The following TREM1 variants were observed in gnomAD, a reference collection of about 807,000 sequenced individuals.
The protein encoded by TREM1 is triggering receptor expressed on monocytes 1.
TREM1 carries 16 observed loss-of-function variants against 22.4 expected under a neutral mutation model. The ratio of observed to expected loss-of-function variants is 0.71; its 90% CI spans 0.48 to 1.08. The LOEUF (loss-of-function observed/expected upper bound fraction) is 1.08. TREM1 is among the 50% of genes least tolerant of loss of function. TREM1 has a pLI of 0.00. For missense variants in TREM1, 283 were observed against 282.9 expected (o/e 1.00, Z 0.00); for synonymous variants, 110 against 111.6 (o/e 0.99, Z 0.09).
chr6:41,279,179 T>C (rs1561919237), intron 3 of TREM1, among the ~76,000 whole-genome samples: 1 of 152,196 alleles, frequency 6.6e-6, no homozygotes, highest in East Asian at 1.9e-4. Context: ...CAATTCACCT[T>C]AGCCTTTAGT....
intron 1 of TREM1, among the ~76,000 whole-genome samples, chr6:41,283,499 C>T (rs1371611013): frequency 6.6e-6 from 1 of 152,212 alleles, no homozygotes. Flanking sequence ...CACCTGAGGT[C>T]GGGAGTTCGA....
rs777994668 is a variant in TREM1 at position 41,282,630 on chromosome 6, T to C, written c.171A>G (p.Ile57Met). The change falls in exon 2 of 4, where the codon ATA (isoleucine) becomes ATG (methionine). Residue 57 changes from isoleucine to methionine, a missense_variant. Coordinates refer to ENST00000244709, the MANE Select transcript of TREM1 (RefSeq NM_018643.5). Reference protein sequence around the residue: ...KFASSQKAWQIIRDGEMPKTL... With the variant: ...KFASSQKAWQMIRDGEMPKTL... ...TCTTGGGCATCTCTCCGTCCCTTAT[T>C]ATCTGCCAAGCTTTCTGGCTGCTGG... is the stretch of plus-strand genomic sequence containing the variant. The C allele has an allele frequency of 6.2e-7, 1 of 1,614,202 alleles. No homozygotes were observed. The highest frequency in any genetic ancestry group is 1.1e-5 in the South Asian group (1 of 91,084).
chr6:41,272,972 T>A (rs1404732843), downstream of TREM1, among the ~76,000 whole-genome samples: 1 of 152,166 alleles, frequency 6.6e-6, no homozygotes, highest in African/African-American at 2.4e-5. Flanking sequence ...GATGCAGAGT[T>A]CTGCTTCCCC....
At position 41,281,034 on chromosome 6, in the gene TREM1, G is replaced by C; in HGVS notation, c.526C>G (p.Pro176Ala). 6.2e-7 allele frequency: 1 copy of C among 1,614,236 alleles called. No individual in the cohort carries two copies. The highest frequency in any genetic ancestry group is 8.5e-7 in the Non-Finnish European group (1 of 1,180,056). ...GAGACATCGGCAGTTGACTTGGGTG[G>C]AGCTTGGGTCACAGTTCTGGGGCTG... is the stretch of plus-strand genomic sequence containing the variant. ...YTSPRTVTQA[P>A]PKSTADVSTP... is the part of the protein sequence containing the mutation. Residue 176 changes from proline to alanine, a missense_variant, in exon 3 of 4, where the codon CCA (proline) becomes GCA (alanine). Pro to Ala is a conservative substitution (Grantham distance 27). Coordinates refer to ENST00000244709, the MANE Select transcript of TREM1 (RefSeq NM_018643.5).
intron 1 of TREM1, among the ~76,000 whole-genome samples, chr6:41,283,698 C>A (rs980342660): frequency 3.5e-5 from 5 of 144,688 alleles, no homozygotes; most frequent in Non-Finnish European, 7.4e-5. Flanking sequence ...GGCCACAGGG[C>A]AAGACTCTGT....
At chr6:41,280,270 T>G (rs2113984901) in intron 3 of TREM1, 1 of 979,698 alleles carries the variant, frequency 1.0e-6, no homozygotes, top group South Asian at 4.7e-5. Context: ...ATTTAATAAC[T>G]GTAAAGAGGT....
At chr6:41,276,440 C>G (rs115546806) in intron 3 of TREM1, among the ~76,000 whole-genome samples, 2 of 152,232 alleles carry the variant, frequency 1.3e-5, no homozygotes, top group African/African-American at 4.8e-5. Context: ...AGGTCCCTGT[C>G]CAGGAGAGGC....
intron 1 of TREM1, among the ~76,000 whole-genome samples, chr6:41,283,444 C>T (rs994261703): frequency 3.1e-4 from 47 of 152,256 alleles, no homozygotes; most frequent in African/African-American, 1.1e-3. Flanking sequence ...GGCACAGTGG[C>T]TCACGCATGT....
intron 2 of TREM1, 28 bp from the exon 3 acceptor site, chr6:41,281,181 A>G (rs774945410): frequency 1.2e-6 from 2 of 1,605,576 alleles, no homozygotes; most frequent in Non-Finnish European, 1.7e-6. Flanking sequence ...GGATGGATGG[A>G]TGGACAGATG....
chr6:41,282,860 A>G, intron 1 of TREM1, 109 bp from the exon 2 acceptor site: 2 of 1,025,386 alleles, frequency 2.0e-6, no homozygotes, highest in Non-Finnish European at 2.9e-6. Context: ...CCCATATTTC[A>G]GATGAGGTTC....
intron 1 of TREM1, among the ~76,000 whole-genome samples, chr6:41,285,048 A>G (rs577577797): frequency 6.6e-6 from 1 of 152,270 alleles, no homozygotes; most frequent in East Asian, 1.9e-4. Flanking sequence ...GGCTCTTTGG[A>G]AGACACACAG....
intron 1 of TREM1, 59 bp from the exon 2 acceptor site, chr6:41,282,810 G>C: frequency 2.8e-6 from 4 of 1,446,026 alleles, no homozygotes; most frequent in Non-Finnish European, 3.8e-6. Flanking sequence ...CTCTGAGTGG[G>C]GAAAAAGGAG....
downstream of TREM1, among the ~76,000 whole-genome samples, chr6:41,272,397 G>A (rs531240650): frequency 2.6e-5 from 4 of 152,096 alleles, no homozygotes; most frequent in Non-Finnish European, 5.9e-5. Context: ...ATGGTGCTGC[G>A]CAAACAAACA....
At chr6:41,279,844 A>G (rs907576418) in intron 3 of TREM1, 7 of 985,122 alleles carry the variant, frequency 7.1e-6, no homozygotes, top group Non-Finnish European at 8.4e-6. Context: ...CTATTTGTAT[A>G]CAAAATGATA....
rs1043567266 is a variant in TREM1 at position 41,275,957 on chromosome 6, C to T, written c.*168G>A. 8.6e-5 allele frequency: 52 copies of T among 603,718 alleles called. No individual in the cohort carries two copies. The highest frequency in any genetic ancestry group is 3.8e-4 in the South Asian group (19 of 50,326). The allele number at this position is 603,718 out of a possible 1,614,324, so 37.4% of individuals were successfully genotyped here. Reference sequence around the variant, plus strand: ...TGCCCACCCAAGATTATTAGAGGAACGAGGGCAGTGGGCAGGAAGGTGAGA... The same window carrying T: ...TGCCCACCCAAGATTATTAGAGGAATGAGGGCAGTGGGCAGGAAGGTGAGA... On this transcript the variant is annotated 3_prime_UTR_variant, in exon 4 of 4. Transcript: ENST00000244709.
intron 1 of TREM1, among the ~76,000 whole-genome samples, chr6:41,283,770 C>T (rs554271307): frequency 1.6e-4 from 25 of 152,086 alleles, no homozygotes; most frequent in African/African-American, 5.8e-4. Flanking sequence ...CCCTGCCAGG[C>T]TGATTGGTTT....
intron 3 of TREM1, chr6:41,280,107 G>T: frequency 3.2e-6 from 3 of 932,112 alleles, no homozygotes; most frequent in Non-Finnish European, 3.8e-6. Context: ...TGTATAATTA[G>T]ACTTACTGCC....
chr6:41,280,657 G>A, intron 3 of TREM1: 3 of 1,395,660 alleles, frequency 2.1e-6, no homozygotes, highest in Non-Finnish European at 2.8e-6. Flanking sequence ...TGCCCATCAG[G>A]CCCCTGGGGT....
rs531833576 is a variant in TREM1 at position 41,275,984 on chromosome 6, G to A, written c.*141C>T. The A allele has an allele frequency of 4.6e-5, 30 of 658,014 alleles. No homozygotes were observed. The highest frequency in any genetic ancestry group is 3.5e-4 in the Admixed American group (14 of 40,404). The allele number at this position is 658,014 out of a possible 1,614,324, so 40.8% of individuals were successfully genotyped here. ...AGGGCAGTGGGCAGGAAGGTGAGACGCTGACTTTAGAAATAGCCGGTGATT... is the reference window on the plus strand; with the variant it reads ...AGGGCAGTGGGCAGGAAGGTGAGACACTGACTTTAGAAATAGCCGGTGATT... On this transcript the variant is annotated 3_prime_UTR_variant, in exon 4 of 4. Coordinates refer to ENST00000244709, the MANE Select transcript of TREM1 (RefSeq NM_018643.5).
Sources: gnomAD v4.1 joint callset for allele counts (sites outside exome capture counted in the v4.1 genomes callset) on GRCh38, gnomAD v4.1.1 for gene constraint, MANE v1.5 for transcripts, NCBI Gene and HGNC (gene_info 2026-07-23, HGNC 2026-07-21) for gene names.